The following MSI2 variants were observed in gnomAD, a reference collection of about 807,000 sequenced individuals.
MSI2 encodes the protein RNA-binding protein Musashi homolog 2.
MSI2 carries 17 observed loss-of-function variants against 45.6 expected under a neutral mutation model. That is an observed-to-expected ratio of 0.37 (90% CI 0.26 to 0.56). The LOEUF (loss-of-function observed/expected upper bound fraction) is 0.56, where lower values mean the gene tolerates loss of function less well. MSI2 is among the 20% of genes least tolerant of loss of function. MSI2 has a pLI of 0.77. For missense variants in MSI2, 293 were observed against 444.2 expected (o/e 0.66, Z 3.06); for synonymous variants, 156 against 158.2 (o/e 0.99, Z 0.11).
chr17:57,445,086 G>A (rs934575842), intron 6 of MSI2, among the ~76,000 whole-genome samples: 1 of 152,164 alleles, frequency 6.6e-6, no homozygotes, highest in Non-Finnish European at 1.5e-5. Flanking sequence ...GTTTTCCCCA[G>A]GATGCACTGC....
At chr17:57,554,189 C>T (rs779699150) in intron 7 of MSI2, among the ~76,000 whole-genome samples, 20 of 151,008 alleles carry the variant, frequency 1.3e-4, no homozygotes, top group Non-Finnish European at 2.9e-4. Context: ...AAGAACGACA[C>T]CAAGTATTGC....
chr17:57,464,062 T>C (rs972521359), intron 6 of MSI2, among the ~76,000 whole-genome samples: 2 of 151,740 alleles, frequency 1.3e-5, no homozygotes, highest in Non-Finnish European at 2.9e-5. Context: ...TTTTCTGGAC[T>C]CACAGTGGTT....
intron 11 of MSI2, among the ~76,000 whole-genome samples, chr17:57,668,954 T>G (rs1416660508): frequency 6.6e-6 from 1 of 152,220 alleles, no homozygotes; most frequent in African/African-American, 2.4e-5. Context: ...TGGACATCAT[T>G]GCCGATCTTC....
At chr17:57,495,842 T>C (rs1175258738) in intron 6 of MSI2, among the ~76,000 whole-genome samples, 1 of 152,258 alleles carries the variant, frequency 6.6e-6, no homozygotes, top group Non-Finnish European at 1.5e-5. Context: ...CTGCTGTCAT[T>C]TTTGATATCT....
intron 4 of MSI2, among the ~76,000 whole-genome samples, chr17:57,259,098 C>G (rs1276706295): frequency 6.6e-6 from 1 of 152,128 alleles, no homozygotes; most frequent in African/African-American, 2.4e-5. Flanking sequence ...CTGTATATAA[C>G]AATACATTTA....
intron 5 of MSI2, among the ~76,000 whole-genome samples, chr17:57,394,812 T>A: frequency 6.6e-6 from 1 of 152,258 alleles, no homozygotes; most frequent in African/African-American, 2.4e-5. Flanking sequence ...CCATGTGGAC[T>A]GTGGCTCTGC....
At chr17:57,653,126 G>A (rs1911304962) in intron 11 of MSI2, among the ~76,000 whole-genome samples, 1 of 152,162 alleles carries the variant, frequency 6.6e-6, no homozygotes, top group African/African-American at 2.4e-5. Context: ...GGCTGGTGAG[G>A]GTACCAGGAA....
At chr17:57,296,673 A>G (rs968237793) in intron 5 of MSI2, among the ~76,000 whole-genome samples, 8 of 152,254 alleles carry the variant, frequency 5.3e-5, no homozygotes, top group African/African-American at 1.9e-4. Context: ...AAAAGACATC[A>G]GTAAAAAAAT....
intron 6 of MSI2, among the ~76,000 whole-genome samples, chr17:57,509,356 G>A (rs1367800411): frequency 5.3e-5 from 8 of 152,228 alleles, no homozygotes; most frequent in South Asian, 2.1e-4. Flanking sequence ...GCGTTATGCC[G>A]CCCACAAATG....
chr17:57,493,809 G>A (rs1469424568), intron 6 of MSI2, among the ~76,000 whole-genome samples: 3 of 152,054 alleles, frequency 2.0e-5, no homozygotes, highest in Non-Finnish European at 2.9e-5. Flanking sequence ...CCATTTTCAT[G>A]TGGGCATGAA....
chr17:57,528,634 T>C (rs898467789), intron 6 of MSI2, among the ~76,000 whole-genome samples: 15 of 151,204 alleles, frequency 9.9e-5, no homozygotes, highest in Non-Finnish European at 1.8e-4. Flanking sequence ...TGTGGCAGGG[T>C]TGGTTTCTTC....
intron 6 of MSI2, among the ~76,000 whole-genome samples, chr17:57,404,386 C>G (rs1203095439): frequency 1.3e-5 from 2 of 152,128 alleles, no homozygotes; most frequent in Non-Finnish European, 2.9e-5. Context: ...CAGTGTGCCC[C>G]GGAGTGCTGG....
At chr17:57,374,029 C>A (rs1332240864) in intron 5 of MSI2, among the ~76,000 whole-genome samples, 2 of 152,048 alleles carry the variant, frequency 1.3e-5, no homozygotes, top group Non-Finnish European at 2.9e-5. Context: ...GTAAACAGAT[C>A]AAATGATAAG....
Position 57,655,564 on chromosome 17 carries a change from A to G in MSI2, c.790+3403A>G, listed in dbSNP as rs571818943. ...CTTTATACTTGCCAGCTTTATTCCA[A>G]TCTAGTAACATGAGCTCCTGATGGT... On this transcript the variant is annotated intron_variant, in intron 11 of 13. Coordinates refer to ENST00000284073, the MANE Select transcript of MSI2 (RefSeq NM_138962.4). 7.9e-5 allele frequency among the ~76,000 whole-genome samples: 12 copies of G among 151,224 alleles called. No homozygotes were observed. The East Asian group carries it at 1.4e-3, about 17-fold the overall frequency.
At chr17:57,667,816 C>T (rs7225828) in intron 11 of MSI2, among the ~76,000 whole-genome samples, 1,796 of 152,342 alleles carry the variant, frequency 0.012, 34 homozygotes, top group African/African-American at 0.041. Context: ...CCCTCACCCA[C>T]CTTCCCAACC....
chr17:57,671,526 G>T (rs1466363003), intron 11 of MSI2: 1 of 152,158 alleles, frequency 6.6e-6, no homozygotes, highest in Admixed American at 6.5e-5. Flanking sequence ...CGCTTAGAAG[G>T]ATCACTGAGA....
At chr17:57,386,219 AC>A (rs1356850506) in intron 5 of MSI2, among the ~76,000 whole-genome samples, 1 of 152,074 alleles carries the variant, frequency 6.6e-6, no homozygotes, top group Non-Finnish European at 1.5e-5. Context: ...TGATGTTCTA[AC>A]TTTATCTTCT....
At position 57,652,881 on chromosome 17, in the gene MSI2, C is replaced by T. The variant is rs975086475; in HGVS notation, c.790+720C>T. Reference sequence around the variant, plus strand: ...GGGTCAGGCCAGAGCTGGGATATGTCCAGGGTGCCCGGGGTCCCTTTTGTC... The same window carrying T: ...GGGTCAGGCCAGAGCTGGGATATGTTCAGGGTGCCCGGGGTCCCTTTTGTC... On this transcript the variant is annotated intron_variant, in intron 11 of 13. Transcript: ENST00000284073. The surrounding 1 kb of genome is among the most constrained non-coding windows in gnomAD (Gnocchi z 4.1). 6.6e-6 allele frequency among the ~76,000 whole-genome samples: 1 copy of T among 152,204 alleles called. No homozygotes were observed. Among genetic ancestry groups the T allele is most frequent in the African/African-American group, 2.4e-5 (1 of 41,452 alleles).
At chr17:57,283,914 A>G (rs1051607043) in intron 5 of MSI2, among the ~76,000 whole-genome samples, 1 of 152,206 alleles carries the variant, frequency 6.6e-6, no homozygotes, top group Non-Finnish European at 1.5e-5. Context: ...CAGCAGGTCC[A>G]TGTTTCTATC....
Sources: gnomAD v4.1 joint callset for allele counts (sites outside exome capture counted in the v4.1 genomes callset) on GRCh38, gnomAD v4.1.1 for gene constraint, Gnocchi (gnomAD v3.1) non-coding constraint, MANE v1.5 for transcripts, NCBI Gene and HGNC (gene_info 2026-07-23, HGNC 2026-07-21) for gene names.